Variants in ZFHX3 observed in about 807,000 individuals in gnomAD.
ZFHX3 encodes the protein zinc finger homeobox protein 3.
Under a neutral mutation model 279.1 loss-of-function variants are expected in ZFHX3, and 42 were observed. The observed-to-expected ratio is 0.15, with a 90% CI of 0.12 to 0.19. The LOEUF is 0.19. Among genes scored for constraint, ZFHX3 ranks in the 10% least tolerant of loss-of-function variants. The pLI is 1.00. For missense variants in ZFHX3, 4,981 were observed against 4,754.0 expected, an observed-to-expected ratio of 1.05 and a Z score of -1.40; for synonymous variants, 2,293 against 1,957.8, an observed-to-expected ratio of 1.17 and a Z score of -4.52.
intron 5 of ZFHX3, among the ~76,000 whole-genome samples, chr16:73,213,701 T>C (rs73597324): frequency 0.02 from 3,115 of 152,308 alleles, 64 homozygotes; most frequent in African/African-American, 0.061. Context: ...CTTTTGTGAA[T>C]AGCCATGTTT....
intron 1 of ZFHX3, among the ~76,000 whole-genome samples, chr16:73,698,963 C>A (rs1168480607): frequency 1.3e-5 from 2 of 152,118 alleles, no homozygotes; most frequent in African/African-American, 4.8e-5. Context: ...CGGCTTACTG[C>A]AACCTCCACC....
intron 1 of ZFHX3, among the ~76,000 whole-genome samples, chr16:73,798,913 C>A (rs1315625583): frequency 6.6e-6 from 1 of 152,192 alleles, no homozygotes; most frequent in Non-Finnish European, 1.5e-5. Flanking sequence ...TATACAAATT[C>A]TTTGGCTTCT....
intron 1 of ZFHX3, among the ~76,000 whole-genome samples, chr16:72,969,497 C>A (rs1044985402): frequency 1.3e-5 from 2 of 151,898 alleles, no homozygotes; most frequent in African/African-American, 2.4e-5. Context: ...AGTAAAAGGA[C>A]GAGGGCAGCC....
At chr16:73,587,880 C>T (rs1446482420) in intron 2 of ZFHX3, among the ~76,000 whole-genome samples, 2 of 152,146 alleles carry the variant, frequency 1.3e-5, no homozygotes, top group Non-Finnish European at 2.9e-5. Flanking sequence ...TTGACCTGTA[C>T]AAACAGCAAT....
chr16:72,986,953 C>G (rs1220130385), intron 1 of ZFHX3, among the ~76,000 whole-genome samples: 1 of 152,106 alleles, frequency 6.6e-6, no homozygotes, highest in Non-Finnish European at 1.5e-5. Flanking sequence ...TGAGATCAGC[C>G]TGGGTAACAC....
At chr16:73,059,543 T>G (rs1223421799) in exon 1 of ZFHX3, 4 of 148,814 alleles carry the variant, frequency 2.7e-5, no homozygotes, top group South Asian at 2.2e-4. Flanking sequence ...TCTCTCTCTC[T>G]CTCTCTCTCT....
chr16:73,027,015 T>C (rs967737265), intron 1 of ZFHX3, among the ~76,000 whole-genome samples: 1 of 152,232 alleles, frequency 6.6e-6, no homozygotes, highest in African/African-American at 2.4e-5. Flanking sequence ...CTACACCACA[T>C]GATAGCATGA....
At chr16:73,744,420 T>C (rs2053686067) in intron 1 of ZFHX3, among the ~76,000 whole-genome samples, 1 of 152,170 alleles carries the variant, frequency 6.6e-6, no homozygotes, top group Non-Finnish European at 1.5e-5. Flanking sequence ...AGGCTAGAAG[T>C]GGAGCTTTCA....
chr16:72,949,922 T>C (rs2144390393), intron 3 of ZFHX3, among the ~76,000 whole-genome samples: 1 of 145,708 alleles, frequency 6.9e-6, no homozygotes, highest in South Asian at 2.2e-4. Context: ...TTTTTTTTTT[T>C]TTTTTTTGGT....
chr16:73,123,900 T>C (rs1052593507), intron 7 of ZFHX3, among the ~76,000 whole-genome samples: 4 of 152,078 alleles, frequency 2.6e-5, no homozygotes, highest in African/African-American at 9.7e-5. Context: ...TGGGACTTCA[T>C]GAGATACCAA....
intron 5 of ZFHX3, among the ~76,000 whole-genome samples, chr16:73,176,980 C>T (rs916839752): frequency 1.3e-5 from 2 of 152,096 alleles, no homozygotes; most frequent in Non-Finnish European, 2.9e-5. Flanking sequence ...AAGCTGATTT[C>T]ATCAGCACAT....
rs368597124 is a variant in ZFHX3, at chr16:73,334,810, C to CTTTTTTTTTTTT, written c.-1290-16486_-1290-16475dup. Among the ~76,000 whole-genome samples the CTTTTTTTTTTTT allele has an allele frequency of 2.4e-4, 14 of 57,856 alleles. 2 individuals carry two copies. Among genetic ancestry groups the CTTTTTTTTTTTT allele is most frequent in the Non-Finnish European group, 4.1e-4 (12 of 29,184 alleles). 38.0% of individuals were successfully genotyped at this position (57,856 alleles called of 152,430 possible). ...TCTTTTCCTCCTTTTCTTTCTCATT[C>CTTTTTTTTTTTT]TTTTTTTTTTTTTTTTTTTTTTTTT... On this transcript the variant is annotated intron_variant, in intron 3 of 17. Transcript: ENST00000641206.
chr16:72,787,427 A>G lies in ZFHX3; in HGVS notation c.10849T>C (p.Trp3617Arg). 2 of 1,598,190 alleles carry G rather than the reference A, an allele frequency of 1.3e-6. No homozygotes were observed. The highest frequency in any genetic ancestry group is 1.7e-6 in the Non-Finnish European group (2 of 1,169,980). The change falls in exon 10 of 10, where the codon TGG becomes CGG. Residue 3617 changes from tryptophan to arginine, a missense_variant. Coordinates refer to ENST00000268489, the MANE Select transcript of ZFHX3 (RefSeq NM_006885.4). The stretch of plus-strand genomic sequence containing the variant: ...GAAGCCCGGGAGACCACTTGCGGCC[A>G]AGACTTCCTGGAGGCGTGGGGGGAA... The part of the protein sequence containing the change: ...SASPHASRKS[W>R]PQVVSRASAA...
intron 1 of ZFHX3, among the ~76,000 whole-genome samples, chr16:73,739,163 T>A (rs940112739): frequency 6.6e-6 from 1 of 152,194 alleles, no homozygotes; most frequent in African/African-American, 2.4e-5. Flanking sequence ...TTGCACTTGC[T>A]CCCTTCCAAA....
rs1433888445 is a variant in ZFHX3, at chr16:73,130,961, C to T, written c.-897+7G>A. ...GCTAGGGGCACTATAAGACATTTGT[C>T]ACCAACCTCTATGCAACTGCCGCTT... On this transcript the variant is annotated splice_region_variant and intron_variant, in intron 7 of 17. Transcript: ENST00000641206. The T allele has an allele frequency of 3.8e-6, 5 of 1,304,772 alleles. No homozygotes were observed. In the East Asian group the frequency reaches 2.2e-4, roughly 58 times the overall value. The allele number at this position is 1,304,772 out of a possible 1,614,324, so 80.8% of individuals were successfully genotyped here.
intron 1 of ZFHX3, among the ~76,000 whole-genome samples, chr16:73,824,048 G>C (rs1597132305): frequency 6.6e-6 from 1 of 152,154 alleles, no homozygotes; most frequent in African/African-American, 2.4e-5. Flanking sequence ...GAATTATACA[G>C]GGGTGTGACA....
intron 1 of ZFHX3, among the ~76,000 whole-genome samples, chr16:73,711,268 A>C (rs1339688894): frequency 6.6e-6 from 1 of 152,164 alleles, no homozygotes; most frequent in Non-Finnish European, 1.5e-5. Context: ...GCCAAAAAAA[A>C]ACCATCCCGT....
At chr16:72,839,852 T>C (rs1360353514) in intron 4 of ZFHX3, among the ~76,000 whole-genome samples, 1 of 152,108 alleles carries the variant, frequency 6.6e-6, no homozygotes, top group Non-Finnish European at 1.5e-5. Context: ...GGAAGGGACA[T>C]TTTTCAACAG....
chr16:72,797,173 C>T lies in ZFHX3; in HGVS notation c.5509G>A (p.Ala1837Thr). The T allele has an allele frequency of 1.2e-6, 2 of 1,614,020 alleles. No individual in the cohort carries two copies. Among genetic ancestry groups the T allele is most frequent in the South Asian group, 2.2e-5 (2 of 91,080 alleles). The change falls in exon 9 of 10, where the codon GCT becomes ACT. Residue 1837 changes from alanine (A) to threonine (T), a missense_variant. Physicochemically the swap from Ala to Thr is moderately conservative, Grantham distance 58. Around this residue, in one of 7 missense-constraint regions of ZFHX3, gnomAD observed 1,751 missense variants for 1,770.0 expected, o/e 0.99. Coordinates refer to ENST00000268489, the MANE Select transcript of ZFHX3 (RefSeq NM_006885.4). ...TGPGLLEDLK[A>T]QVQVPQQSHQ... The stretch of plus-strand genomic sequence containing the variant: ...CTCTGCTGTGGGACCTGAACCTGAG[C>T]CTTCAGATCTTCCAGCAGGCCTGGG...
Sources: gnomAD v4.1 joint callset for allele counts (sites outside exome capture counted in the v4.1 genomes callset) on GRCh38, gnomAD v4.1.1 for gene constraint, gnomAD v4.1.1 regional missense constraint, MANE v1.5 for transcripts, NCBI Gene and HGNC (gene_info 2026-07-23, HGNC 2026-07-21) for gene names.